Variants in ZNF772 observed in about 807,000 individuals in gnomAD.
ZNF772 encodes zinc finger protein 772.
A neutral mutation model predicts 11.0 loss-of-function variants in ZNF772; 8 were observed. That is an observed-to-expected ratio of 0.73 (90% confidence interval 0.43 to 1.31). ZNF772 has a LOEUF of 1.31. Among genes scored for constraint, ZNF772 ranks in the 50% most tolerant of loss-of-function variants. The pLI, the probability that ZNF772 is intolerant of heterozygous loss-of-function variation, is 0.01. For synonymous variants in ZNF772, 155 were observed against 180.4 expected (o/e 0.86, Z 1.13); for missense variants, 496 against 552.3 (o/e 0.90, Z 1.02).
Position 57,473,116 on chromosome 19 carries a change from T to C in ZNF772, c.*158A>G. On this transcript the variant is annotated 3_prime_UTR_variant, in exon 4 of 4. Transcript: ENST00000356584. ...AAAATTCAGCATAGCTCCAGAAGGC[T>C]TCCCATATAGCTGGCACTCGGAAGA... 1.4e-6 allele frequency: 1 copy of C among 705,642 alleles called. No homozygotes were observed. Among genetic ancestry groups the C allele is most frequent in the East Asian group, 2.7e-5 (1 of 36,670 alleles). 43.7% of individuals were successfully genotyped at this position (705,642 alleles called of 1,614,324 possible).
rs1317625408 is a variant in ZNF772, at chr19:57,474,332, G to A, written c.289C>T (p.Pro97Ser). The A allele has an allele frequency of 3.7e-6, 6 of 1,613,918 alleles. No individual in the cohort carries two copies. Among genetic ancestry groups the A allele is most frequent in the Non-Finnish European group, 5.1e-6 (6 of 1,180,040 alleles). The part of the protein sequence containing the change: ...MSQIRIPKGG[P>S]STQKAYPCGT... Reference sequence around the variant, plus strand: ...CAGGGGTAAGCCTTCTGAGTAGAAGGACCTCCCTTGGGAATCCTGATCTGT... The same window carrying A: ...CAGGGGTAAGCCTTCTGAGTAGAAGAACCTCCCTTGGGAATCCTGATCTGT... The change falls in exon 4 of 4, where the codon CCT becomes TCT. Residue 97 changes from proline (P) to serine (S), a missense_variant. By Grantham distance (74) the Pro-to-Ser change is moderately conservative (BLOSUM62 -1). Coordinates refer to ENST00000356584, the MANE Select transcript of ZNF772 (RefSeq NM_001144068.2).
In ZNF772 at chr19:57,472,040, T is replaced by A. The variant is rs1239468320; in HGVS notation, c.*1234A>T. The A allele has an allele frequency of 1.8e-5, 8 of 440,112 alleles. No homozygotes were observed. The highest frequency in any genetic ancestry group is 2.7e-5 in the Non-Finnish European group (6 of 221,218). The allele number at this position is 440,112 out of a possible 1,614,324, so 27.3% of individuals were successfully genotyped here. The stretch of plus-strand genomic sequence containing the variant: ...ATGTGCAGTTTATTGCAAAAATGTT[T>A]AGACTGACTTCTGGACAGTAACCTT... On this transcript the variant is annotated 3_prime_UTR_variant, in exon 4 of 4. Transcript: ENST00000356584.
At position 57,473,229 on chromosome 19, in the gene ZNF772, A is replaced by G. The variant is rs777020777; in HGVS notation, c.*45T>C. 2.4e-5 allele frequency: 38 copies of G among 1,556,342 alleles called. No individual in the cohort carries two copies. The highest frequency in any genetic ancestry group is 3.1e-5 in the Non-Finnish European group (36 of 1,145,232). On this transcript the variant is annotated 3_prime_UTR_variant, in exon 4 of 4. Transcript: ENST00000356584. ...AGGCTATGCTTGGAGCTTCTCTCTG[A>G]TGTCAGTTATTATGTTGAACAAGGA...
At position 57,475,014 on chromosome 19, in the gene ZNF772, T is replaced by A. The variant is rs2089266009; in HGVS notation, c.200-593A>T. ...CCCTGACATCACACCTTTCCCCAGC[T>A]CCTACTCACCAGGGTCACTCCCACC... On this transcript the variant is annotated intron_variant, in intron 3 of 3. Coordinates refer to ENST00000356584, the MANE Select transcript of ZNF772 (RefSeq NM_001144068.2). This position sits in a 1 kb window ranked among gnomAD's most constrained non-coding sequence, Gnocchi z 4.2. 2 of 1,613,900 alleles carry A rather than the reference T, an allele frequency of 1.2e-6. No homozygotes were observed. The highest frequency in any genetic ancestry group is 1.1e-5 in the South Asian group (1 of 91,072).
Position 57,477,265 on chromosome 19 carries a change from C to T in ZNF772, c.33+12G>A, listed in dbSNP as rs371776306. 54 of 1,613,086 alleles carry T rather than the reference C, an allele frequency of 3.3e-5. No individual in the cohort carries two copies. Among genetic ancestry groups the T allele is most frequent in the African/African-American group, 1.2e-4 (9 of 74,794 alleles). ...GGGGGTCAGCGCGCAGACTCGCAGA[C>T]GCAGCACCCACCTGTGCCGGGCCCA... On this transcript the variant is annotated intron_variant, in intron 1 of 3. Transcript: ENST00000356584.
chr19:57,474,990 C>T lies in ZNF772; in HGVS notation c.200-569G>A, dbSNP rs544086981. On this transcript the variant is annotated intron_variant, in intron 3 of 3. Coordinates refer to ENST00000356584, the MANE Select transcript of ZNF772 (RefSeq NM_001144068.2). Reference sequence around the variant, plus strand: ...GGCTATGGAATGATATGAACCCAGCCCTGACATCACACCTTTCCCCAGCTC... The same window carrying T: ...GGCTATGGAATGATATGAACCCAGCTCTGACATCACACCTTTCCCCAGCTC... 38 of 1,613,754 alleles carry T rather than the reference C, an allele frequency of 2.4e-5. No individual in the cohort carries two copies. In the East Asian group the frequency reaches 4.0e-4, roughly 17 times the overall value.
At chr19:57,477,204 A>G in intron 1 of ZNF772, 73 bp downstream of exon 1, 1 of 1,603,592 alleles carries the variant, frequency 6.2e-7, no homozygotes, top group East Asian at 2.2e-5. Context: ...CAGTAACCCG[A>G]GGAATCGTTC....
At position 57,474,174 on chromosome 19, in the gene ZNF772, G is replaced by C. The variant is rs146782417; in HGVS notation, c.447C>G (p.His149Gln). 199 of 1,614,042 alleles carry C rather than the reference G, an allele frequency of 1.2e-4. No homozygotes were observed. The highest frequency in any genetic ancestry group is 1.6e-4 in the Non-Finnish European group (188 of 1,180,022). The change falls in exon 4 of 4, where the codon CAC becomes CAG. Residue 149 changes from histidine (H) to glutamine (Q), a missense_variant. Physicochemically the swap from His to Gln is conservative, Grantham distance 24. Coordinates refer to ENST00000356584, the MANE Select transcript of ZNF772 (RefSeq NM_001144068.2). ...QFCFSANLHQ[H>Q]QKQHSGEKPF... is the part of the protein sequence containing the mutation. ...GTTTCTCTCCACTGTGCTGCTTCTG[G>C]TGCTGGTGAAGGTTTGCACTGAAGC...
In ZNF772 at chr19:57,475,106, C is replaced by A. The variant is rs1375366098; in HGVS notation, c.199+554G>T. 1 of 1,614,232 alleles carries A rather than the reference C, an allele frequency of 6.2e-7. No individual in the cohort carries two copies. ...CAGGTACCCAGGGCTCACTACCCAT[C>A]ACCAGTGAGGCAACTATGTGGGACA... On this transcript the variant is annotated intron_variant, in intron 3 of 3. Transcript: ENST00000356584. This position sits in a 1 kb window ranked among gnomAD's most constrained non-coding sequence, Gnocchi z 4.2.
chr19:57,476,761 A>T, intron 1 of ZNF772, 89 bp from the exon 2 acceptor site: 8 of 1,201,930 alleles, frequency 6.7e-6, no homozygotes, highest in Non-Finnish European at 8.2e-6. Context: ...CCCAGTTACA[A>T]TGTGCCTGGG....
At position 57,474,088 on chromosome 19, in the gene ZNF772, T is replaced by C. The variant is rs773125759; in HGVS notation, c.533A>G (p.Glu178Gly). ...LLNNCAVQSM[E>G]MSFVTGEACK... ...AGCCTCCCCTGTCACAAAAGACATCTCCATTGATTGCACAGCACAGTTGTT... is the reference window on the plus strand; with the variant it reads ...AGCCTCCCCTGTCACAAAAGACATCCCCATTGATTGCACAGCACAGTTGTT... Residue 178 changes from glutamate (E) to glycine (G), a missense_variant, in exon 4 of 4, where the codon GAG (glutamate) becomes GGG (glycine). Transcript: ENST00000356584. The C allele has an allele frequency of 6.2e-6, 10 of 1,614,052 alleles. No individual in the cohort carries two copies. The highest frequency in any genetic ancestry group is 6.8e-6 in the Non-Finnish European group (8 of 1,180,004).
At chr19:57,476,984 C>G (rs1292097756) in intron 1 of ZNF772, among the ~76,000 whole-genome samples, 1 of 152,184 alleles carries the variant, frequency 6.6e-6, no homozygotes, top group Non-Finnish European at 1.5e-5. Flanking sequence ...CCCAGCTGCT[C>G]AGGATGATAT....
chr19:57,474,392 T>A lies in ZNF772; in HGVS notation c.229A>T (p.Ile77Leu), dbSNP rs1420116730. Residue 77 changes from isoleucine to leucine, a missense_variant, in exon 4 of 4, where the codon ATA (isoleucine) becomes TTA (leucine). Transcript: ENST00000356584. Reference sequence around the variant, plus strand: ...ATAGAAAAGCTCTGCTCAAAAGGTATCTCTTCATCCTCCATTCCATGCCAA... The same window carrying A: ...ATAGAAAAGCTCTGCTCAAAAGGTAACTCTTCATCCTCCATTCCATGCCAA... ...GCWHGMEDEE[I>L]PFEQSFSIGM... 2 of 1,608,648 alleles carry A rather than the reference T, an allele frequency of 1.2e-6. No individual in the cohort carries two copies. The highest frequency in any genetic ancestry group is 1.3e-5 in the African/African-American group (1 of 75,028).
rs2123142336 is a variant in ZNF772, at chr19:57,471,553, T to C, written c.*1721A>G. On this transcript the variant is annotated 3_prime_UTR_variant, in exon 4 of 4. Transcript: ENST00000356584. ...AGAAAACGCCCCACAAATCCCTATT[T>C]TCACCTTTGTGTAGTTCTCTTCCAC... The C allele has an allele frequency of 7.0e-6, 1 of 143,214 alleles. No individual in the cohort carries two copies. Among genetic ancestry groups the C allele is most frequent in the African/African-American group, 2.6e-5 (1 of 39,018 alleles). 8.9% of individuals were successfully genotyped at this position (143,214 alleles called of 1,614,324 possible).
chr19:57,476,061 G>A (rs2089280499), intron 2 of ZNF772, among the ~76,000 whole-genome samples: 1 of 152,132 alleles, frequency 6.6e-6, no homozygotes, highest in East Asian at 1.9e-4. Context: ...AATTCCTCTG[G>A]GGTCACTAAC....
At position 57,473,424 on chromosome 19, in the gene ZNF772, TC is replaced by T; in HGVS notation, c.1196del (p.Gly399GlufsTer73). 6.2e-7 allele frequency: 1 copy of T among 1,613,644 alleles called. No individual in the cohort carries two copies. ...GTACATGTTTGTGGCTAAAGGCTTTTCCACATTCACTGCACACATAAGGCTT... is the reference window on the plus strand; with the variant it reads ...GTACATGTTTGTGGCTAAAGGCTTTTCACATTCACTGCACACATAAGGCTT... Reference protein sequence around the residue: ...GEKPYVCSECGKAFSHKHVLV... With the variant: ...GEKPYVCSECXKAFSHKHVLV... On this transcript the variant is annotated frameshift_variant, in exon 4 of 4. Transcript: ENST00000356584. LOFTEE classifies it low-confidence loss of function (END_TRUNC).
At position 57,471,996 on chromosome 19, in the gene ZNF772, C is replaced by G; in HGVS notation, c.*1278G>C. 1 of 322,966 alleles carries G rather than the reference C, an allele frequency of 3.1e-6. No individual in the cohort carries two copies. The highest frequency in any genetic ancestry group is 2.4e-5 in the South Asian group (1 of 41,168). 20.0% of individuals were successfully genotyped at this position (322,966 alleles called of 1,614,324 possible). On this transcript the variant is annotated 3_prime_UTR_variant, in exon 4 of 4. Coordinates refer to ENST00000356584, the MANE Select transcript of ZNF772 (RefSeq NM_001144068.2). ...AGTGCCAACATGTATCAAAACTTAT[C>G]AAATGGTACACTATAAATATGTGCA...
intron 1 of ZNF772, 44 bp downstream of exon 1, chr19:57,477,233 C>T (rs1423554014): frequency 1.9e-6 from 3 of 1,612,502 alleles, no homozygotes; most frequent in Admixed American, 1.7e-5. Flanking sequence ...CTTTGGGATT[C>T]AGAGATGGGG....
rs2089236867 is a variant in ZNF772 at position 57,473,285 on chromosome 19, CTCCAGTGTGAATTT to C, written c.1322_1335del (p.Lys441ArgfsTer16). 3 of 1,612,458 alleles carry C rather than the reference CTCCAGTGTGAATTT, an allele frequency of 1.9e-6. No homozygotes were observed. The highest frequency in any genetic ancestry group is 2.5e-6 in the Non-Finnish European group (3 of 1,178,860). On this transcript the variant is annotated frameshift_variant, in exon 4 of 4. Coordinates refer to ENST00000356584, the MANE Select transcript of ZNF772 (RefSeq NM_001144068.2). LOFTEE classifies it high-confidence loss of function. Reference sequence around the variant, plus strand: ...AATTATCTCCCATCCTAAGGCCTTTCTCCAGTGTGAATTTTCCAGTGGCGGATGAGGGAAGCCCT... The same window carrying C: ...AATTATCTCCCATCCTAAGGCCTTTCTCCAGTGGCGGATGAGGGAAGCCCT...
Sources: gnomAD v4.1 joint callset for allele counts (sites outside exome capture counted in the v4.1 genomes callset) on GRCh38, gnomAD v4.1.1 for gene constraint, Gnocchi (gnomAD v3.1) non-coding constraint, MANE v1.5 for transcripts, NCBI Gene and HGNC (gene_info 2026-07-23, HGNC 2026-07-21) for gene names.